Variants in TAF5L observed in about 807,000 individuals in gnomAD.
TAF5L encodes the protein TAF5-like RNA polymerase II p300/CBP-associated factor-associated factor 65 kDa subunit 5L.
In TAF5L, 7 loss-of-function variants were observed where a neutral mutation model predicts 51.3. The ratio of observed to expected loss-of-function variants is 0.14; its 90% CI spans 0.08 to 0.26. TAF5L has a LOEUF of 0.26. TAF5L is among the 10% of genes least tolerant of loss of function. The pLI is 1.00. For synonymous variants in TAF5L, 291 were observed against 308.1 expected, an observed-to-expected ratio of 0.94 and a Z score of 0.58; for missense variants, 575 against 758.9, an observed-to-expected ratio of 0.76 and a Z score of 2.85.
intron 2 of TAF5L, chr1:229,614,115 C>A: frequency 1.4e-6 from 1 of 706,432 alleles, no homozygotes. Flanking sequence ...ATGACTTTAG[C>A]CAGGGGAATC....
In TAF5L at chr1:229,615,078, T is replaced by C. The variant is rs536453627; in HGVS notation, c.-3-593A>G. ...TGCAAAATGTGTTTTCATTTTATTTTATTTCATTTTATTTATTTATTTATT... is the reference window on the plus strand; with the variant it reads ...TGCAAAATGTGTTTTCATTTTATTTCATTTCATTTTATTTATTTATTTATT... On this transcript the variant is annotated intron_variant, in intron 1 of 4. Coordinates refer to ENST00000258281, the Ensembl canonical transcript of TAF5L. Among the ~76,000 whole-genome samples the C allele has an allele frequency of 2.0e-5, 3 of 152,356 alleles. No individual in the cohort carries two copies. In the South Asian group the frequency reaches 6.2e-4, roughly 32 times the overall value.
Position 229,602,122 on chromosome 1 carries a change from T to C in TAF5L, c.972+73A>G, listed in dbSNP as rs1226840954. 5.2e-6 allele frequency: 8 copies of C among 1,549,442 alleles called. No homozygotes were observed. Among genetic ancestry groups the C allele is most frequent in the Middle Eastern group, 1.8e-4 (1 of 5,710 alleles). Reference sequence around the variant, plus strand: ...AAACTAGGAAGTCCATTCTAAGATATGTCGTGTTTGGTAAGGACATTCTAA... The same window carrying C: ...AAACTAGGAAGTCCATTCTAAGATACGTCGTGTTTGGTAAGGACATTCTAA... On this transcript the variant is annotated intron_variant, in intron 4 of 4. Transcript: ENST00000258281. The surrounding 1 kb of genome is among the most constrained non-coding windows in gnomAD (Gnocchi z 4.6).
chr1:229,610,024 T>C (rs12735468), intron 3 of TAF5L, 82 bp downstream of exon 3: 135,382 of 1,144,510 alleles, frequency 0.12, 9,128 homozygotes, highest in Non-Finnish European at 0.14. Context: ...GGAGCAGGGC[T>C]AACTCACAAG....
chr1:229,605,556 G>C (rs567245585), intron 3 of TAF5L, among the ~76,000 whole-genome samples: 2 of 152,004 alleles, frequency 1.3e-5, no homozygotes, highest in African/African-American at 4.8e-5. Context: ...ACTGTGGGGG[G>C]GCCCACGGCA....
chr1:229,593,762 A>G (rs1289477542), exon 5 of TAF5L: 2 of 151,738 alleles, frequency 1.3e-5, no homozygotes, highest in Non-Finnish European at 2.9e-5. Context: ...AATTATAATT[A>G]TAATAACAAT....
rs558676259 is a variant in TAF5L, at chr1:229,600,428, G to A, written c.972+1767C>T. The A allele has an allele frequency of 2.4e-5, 24 of 985,320 alleles. No homozygotes were observed. The South Asian group carries it at 4.7e-4, about 19-fold the overall frequency. 61.0% of individuals were successfully genotyped at this position (985,320 alleles called of 1,614,324 possible). ...TAAACAAAACCACCATTCCAATGAC[G>A]TCTTTTGCTTTCTTCTTGATGGACA... On this transcript the variant is annotated intron_variant, in intron 4 of 4. Transcript: ENST00000258281.
Position 229,625,135 on chromosome 1 carries a change from C to A in TAF5L, c.-4+750G>T, listed in dbSNP as rs1442991488. ...CAACTGATGGGAGAACTGCATGTAG[C>A]GTTCCTGCACTCCACTTCCGCTAAG... On this transcript the variant is annotated intron_variant, in intron 1 of 4. Transcript: ENST00000258281. The surrounding 1 kb of genome is among the most constrained non-coding windows in gnomAD (Gnocchi z 4.0). Among the ~76,000 whole-genome samples the A allele has an allele frequency of 6.6e-6, 1 of 152,214 alleles. No homozygotes were observed. The highest frequency in any genetic ancestry group is 1.5e-5 in the Non-Finnish European group (1 of 68,032).
At chr1:229,601,194 G>A (rs1278205220) in intron 4 of TAF5L, 1 of 985,192 alleles carries the variant, frequency 1.0e-6, no homozygotes, top group Non-Finnish European at 1.2e-6. Context: ...ACTGGAAGTG[G>A]ACTCAGAAAA....
At position 229,600,701 on chromosome 1, in the gene TAF5L, C is replaced by T. The variant is rs527434551; in HGVS notation, c.972+1494G>A. On this transcript the variant is annotated intron_variant, in intron 4 of 4. Transcript: ENST00000258281. ...AGTTCCTGGAATTCCGCATGCGGTT[C>T]CTCACTTCTGAGTCTTCAGATACAC... is the stretch of plus-strand genomic sequence containing the variant. 45 of 985,424 alleles carry T rather than the reference C, an allele frequency of 4.6e-5. No individual in the cohort carries two copies. The African/African-American group carries it at 6.8e-4, about 15-fold the overall frequency. 61.0% of individuals were successfully genotyped at this position (985,424 alleles called of 1,614,324 possible).
rs142001375 is a variant in TAF5L at position 229,623,156 on chromosome 1, C to G, written c.-4+2729G>C. ...AGGCATGGTGGTGCATGCCTGTAGTCCCAGGTACTGGGGAGGCTGAGGCAG... is the reference window on the plus strand; with the variant it reads ...AGGCATGGTGGTGCATGCCTGTAGTGCCAGGTACTGGGGAGGCTGAGGCAG... On this transcript the variant is annotated intron_variant, in intron 1 of 4. Coordinates refer to ENST00000258281, the Ensembl canonical transcript of TAF5L. Among the ~76,000 whole-genome samples the G allele has an allele frequency of 3.5e-3, 530 of 152,296 alleles. 4 individuals carry two copies. Among genetic ancestry groups the G allele is most frequent in the African/African-American group, 0.012 (503 of 41,568 alleles).
chr1:229,614,162 C>T, intron 2 of TAF5L, 179 bp downstream of exon 2: 1 of 984,326 alleles, frequency 1.0e-6, no homozygotes. Flanking sequence ...GAGCACCGCT[C>T]TAAATGACAG....
chr1:229,607,180 A>T, intron 3 of TAF5L: 1 of 982,480 alleles, frequency 1.0e-6, no homozygotes, highest in African/African-American at 1.8e-5. Context: ...AGCCATCGTC[A>T]CCTCTTCTTC....
At chr1:229,595,165 A>G in intron 4 of TAF5L, 71 bp from the exon 5 acceptor site, 1 of 1,478,492 alleles carries the variant, frequency 6.8e-7, no homozygotes, top group Admixed American at 2.2e-5. Context: ...CAAGGAAAAC[A>G]AGTCCAGGAG....
At chr1:229,599,196 C>T (rs1664266447) in intron 4 of TAF5L, 4 of 883,076 alleles carry the variant, frequency 4.5e-6, no homozygotes, top group Non-Finnish European at 5.4e-6. Context: ...CAGGACAGTG[C>T]TGTGAATTCA....
intron 1 of TAF5L, among the ~76,000 whole-genome samples, chr1:229,617,606 G>A (rs1443307123): frequency 6.6e-6 from 1 of 152,190 alleles, no homozygotes; most frequent in Non-Finnish European, 1.5e-5. Flanking sequence ...AACTCTGCAT[G>A]TGAAAGACAT....
Position 229,619,216 on chromosome 1 carries a change from G to A in TAF5L, c.-3-4731C>T, listed in dbSNP as rs539135921. On this transcript the variant is annotated intron_variant, in intron 1 of 4. Coordinates refer to ENST00000258281, the Ensembl canonical transcript of TAF5L. ...TTTGCATTAATCATCATGATAAAGT[G>A]TATTCAATAAGCTTTGTGAAAATAT... is the stretch of plus-strand genomic sequence containing the variant. 3.3e-5 allele frequency among the ~76,000 whole-genome samples: 5 copies of A among 152,264 alleles called. No individual in the cohort carries two copies. In the South Asian group the frequency reaches 8.3e-4, roughly 25 times the overall value.
intron 3 of TAF5L, among the ~76,000 whole-genome samples, chr1:229,608,173 G>C (rs1664663650): frequency 6.6e-6 from 1 of 152,040 alleles, no homozygotes; most frequent in Non-Finnish European, 1.5e-5. Flanking sequence ...CCCCCATAAT[G>C]GTATTTTAAA....
At position 229,602,125 on chromosome 1, in the gene TAF5L, C is replaced by A. The variant is rs980181959; in HGVS notation, c.972+70G>T. 6 of 1,552,522 alleles carry A rather than the reference C, an allele frequency of 3.9e-6. No homozygotes were observed. The Admixed American group carries it at 1.1e-4, about 29-fold the overall frequency. ...CTAGGAAGTCCATTCTAAGATATGTCGTGTTTGGTAAGGACATTCTAAGGA... is the reference window on the plus strand; with the variant it reads ...CTAGGAAGTCCATTCTAAGATATGTAGTGTTTGGTAAGGACATTCTAAGGA... On this transcript the variant is annotated intron_variant, in intron 4 of 4. Transcript: ENST00000258281. This position sits in a 1 kb window ranked among gnomAD's most constrained non-coding sequence, Gnocchi z 4.6.
At chr1:229,601,262 C>T (rs769324284) in intron 4 of TAF5L, 15 of 985,196 alleles carry the variant, frequency 1.5e-5, no homozygotes, top group Non-Finnish European at 1.8e-5. Context: ...ACATCCTTAT[C>T]ATTAACTGTA....
Sources: gnomAD v4.1 joint callset for allele counts (sites outside exome capture counted in the v4.1 genomes callset) on GRCh38, gnomAD v4.1.1 for gene constraint, Gnocchi (gnomAD v3.1) non-coding constraint, MANE v1.5 for transcripts, NCBI Gene and HGNC (gene_info 2026-07-23, HGNC 2026-07-21) for gene names.